Variants in MVB12B observed in about 807,000 individuals in gnomAD.
MVB12B encodes ESCRT-I complex subunit MVB12B.
Under a neutral mutation model 41.6 loss-of-function variants are expected in MVB12B, and 16 were observed. The observed-to-expected ratio is 0.38, with a 90% CI of 0.26 to 0.58. MVB12B has a LOEUF of 0.58. Among genes scored for constraint, MVB12B ranks in the 20% least tolerant of loss-of-function variants. The probability of loss-of-function intolerance (pLI) is 0.62; values close to 1 mark genes in which losing one functional copy is unlikely to be tolerated. For missense variants in MVB12B, 274 were observed against 380.2 expected (o/e 0.72, Z 2.32); for synonymous variants, 133 against 139.7 (o/e 0.95, Z 0.34).
chr9:126,417,600 C>A (rs1831866027), intron 6 of MVB12B, among the ~76,000 whole-genome samples: 1 of 152,200 alleles, frequency 6.6e-6, no homozygotes, highest in Non-Finnish European at 1.5e-5. Flanking sequence ...TTTTAGTGAG[C>A]CAACTACAAC....
Position 126,386,732 on chromosome 9 carries a change from A to C in MVB12B, c.409+74A>C. On this transcript the variant is annotated intron_variant, in intron 4 of 9. Coordinates refer to ENST00000361171, the MANE Select transcript of MVB12B (RefSeq NM_033446.3). The surrounding 1 kb of genome is among the most constrained non-coding windows in gnomAD (Gnocchi z 4.3). ...CAGGTATATTTGTAGGTGTTTTTCTATGTGCATTTTTCTTCAGAAACACTT... is the reference window on the plus strand; with the variant it reads ...CAGGTATATTTGTAGGTGTTTTTCTCTGTGCATTTTTCTTCAGAAACACTT... 8.7e-7 allele frequency: 1 copy of C among 1,146,522 alleles called. No individual in the cohort carries two copies. The highest frequency in any genetic ancestry group is 1.3e-6 in the Non-Finnish European group (1 of 772,042). The allele number at this position is 1,146,522 out of a possible 1,614,324, so 71.0% of individuals were successfully genotyped here.
At chr9:126,446,554 G>T (rs1368284674) in intron 7 of MVB12B, among the ~76,000 whole-genome samples, 2 of 150,208 alleles carry the variant, frequency 1.3e-5, no homozygotes, top group Non-Finnish European at 1.5e-5. Context: ...TGTGGACCTG[G>T]AAGCTAGGGG....
chr9:126,401,616 C>T (rs16928965), intron 6 of MVB12B, among the ~76,000 whole-genome samples: 18,712 of 152,236 alleles, frequency 0.12, 1,552 homozygotes, highest in East Asian at 0.38. Flanking sequence ...GGGCTGTCAT[C>T]GGAAAGGTTA....
intron 2 of MVB12B, among the ~76,000 whole-genome samples, chr9:126,347,398 T>C (rs141199654): frequency 1.3e-5 from 2 of 152,384 alleles, no homozygotes; most frequent in South Asian, 2.1e-4. Context: ...TATTTATTTC[T>C]GAAACTAATT....
chr9:126,398,940 C>G (rs1053201213), intron 6 of MVB12B, among the ~76,000 whole-genome samples: 1 of 152,260 alleles, frequency 6.6e-6, no homozygotes, highest in African/African-American at 2.4e-5. Flanking sequence ...AAAGGTGGAT[C>G]TTTGCACCGT....
chr9:126,482,329 G>C (rs1427148362), intron 8 of MVB12B, among the ~76,000 whole-genome samples: 1 of 152,224 alleles, frequency 6.6e-6, no homozygotes. Flanking sequence ...GAATCCTTTA[G>C]TGTTTTTCTT....
chr9:126,484,054 G>A (rs1356835418), intron 9 of MVB12B, 22 bp downstream of exon 9: 2 of 1,613,030 alleles, frequency 1.2e-6, no homozygotes, highest in Admixed American at 1.7e-5. Context: ...ATCAGGGGAG[G>A]GGAGGGCAGG....
chr9:126,342,930 C>T (rs933899247), intron 2 of MVB12B, among the ~76,000 whole-genome samples: 1 of 152,224 alleles, frequency 6.6e-6, no homozygotes, highest in African/African-American at 2.4e-5. Flanking sequence ...CTCTCTCTGT[C>T]TGTTGTAGCT....
intron 3 of MVB12B, among the ~76,000 whole-genome samples, chr9:126,385,973 A>G (rs1037332625): frequency 1.3e-5 from 2 of 152,354 alleles, no homozygotes; most frequent in Admixed American, 1.3e-4. Flanking sequence ...ACCACTAAAC[A>G]GAAACTTTAG....
chr9:126,413,827 T>C, intron 6 of MVB12B, among the ~76,000 whole-genome samples: 1 of 100,268 alleles, frequency 1.0e-5, no homozygotes, highest in South Asian at 3.6e-4. Context: ...GTTGTGTGTG[T>C]GTGTGTGTGT....
chr9:126,450,441 C>A (rs543516011), intron 7 of MVB12B, among the ~76,000 whole-genome samples: 1 of 152,296 alleles, frequency 6.6e-6, no homozygotes, highest in African/African-American at 2.4e-5. Context: ...ACATTGTCAG[C>A]CTGCAGCTTA....
intron 1 of MVB12B, among the ~76,000 whole-genome samples, chr9:126,337,071 G>C (rs1564278402): frequency 6.6e-6 from 1 of 152,188 alleles, no homozygotes; most frequent in Non-Finnish European, 1.5e-5. Context: ...TTCAACATTT[G>C]TCTTGTCATC....
At chr9:126,497,442 C>T (rs1833861248) in intron 9 of MVB12B, among the ~76,000 whole-genome samples, 2 of 152,036 alleles carry the variant, frequency 1.3e-5, no homozygotes, top group Non-Finnish European at 1.5e-5. Flanking sequence ...TGTGCCCTGA[C>T]CCCGAGGCCT....
chr9:126,464,444 A>G (rs1390010881), intron 7 of MVB12B, among the ~76,000 whole-genome samples: 1 of 152,206 alleles, frequency 6.6e-6, no homozygotes, highest in Non-Finnish European at 1.5e-5. Context: ...GTTGGGATCA[A>G]CCTGGAAGGG....
chr9:126,457,211 G>A (rs2119170307), intron 7 of MVB12B, among the ~76,000 whole-genome samples: 1 of 152,212 alleles, frequency 6.6e-6, no homozygotes, highest in East Asian at 1.9e-4. Context: ...CCCTTTCTTA[G>A]ACCTTTGGGA....
intron 2 of MVB12B, among the ~76,000 whole-genome samples, chr9:126,357,179 A>G (rs1829903978): frequency 2.0e-5 from 3 of 152,050 alleles, no homozygotes; most frequent in African/African-American, 7.2e-5. Context: ...AGATTCATTC[A>G]TATTGTTGAG....
At chr9:126,345,183 C>T (rs1365032467) in intron 2 of MVB12B, among the ~76,000 whole-genome samples, 1 of 152,178 alleles carries the variant, frequency 6.6e-6, no homozygotes, top group Non-Finnish European at 1.5e-5. Context: ...TCCTAGCCAG[C>T]CCTGTGTCTT....
chr9:126,499,187 A>G (rs995192260), intron 9 of MVB12B, among the ~76,000 whole-genome samples: 1 of 152,096 alleles, frequency 6.6e-6, no homozygotes, highest in African/African-American at 2.4e-5. Flanking sequence ...AGGCTTTTAG[A>G]AGCTGAGACT....
Position 126,381,051 on chromosome 9 carries a change from C to G in MVB12B, c.205-13C>G. Reference sequence around the variant, plus strand: ...CCTTACCTGCAATCCTTTTCTCTGTCTCTCCGGTGTAGGTTGCACAGACAG... The same window carrying G: ...CCTTACCTGCAATCCTTTTCTCTGTGTCTCCGGTGTAGGTTGCACAGACAG... On this transcript the variant is annotated splice_polypyrimidine_tract_variant and intron_variant, in intron 2 of 9. Transcript: ENST00000361171. The G allele has an allele frequency of 6.2e-7, 1 of 1,610,686 alleles. No individual in the cohort carries two copies. Among genetic ancestry groups the G allele is most frequent in the Non-Finnish European group, 8.5e-7 (1 of 1,176,974 alleles).
Sources: allele counts gnomAD v4.1 joint callset (sites outside exome capture counted in the v4.1 genomes callset), GRCh38; gene constraint gnomAD v4.1.1; non-coding constraint Gnocchi (gnomAD v3.1); transcripts MANE v1.5; gene names NCBI Gene and HGNC (gene_info 2026-07-23, HGNC 2026-07-21).